Variants in EPS15L1 observed in about 807,000 individuals in gnomAD.
EPS15L1 encodes the protein epidermal growth factor receptor substrate 15-like 1.
Under a neutral mutation model 117.1 loss-of-function variants are expected in EPS15L1, and 43 were observed. The observed-to-expected ratio is 0.37, with a 90% CI of 0.29 to 0.47. EPS15L1 has a LOEUF of 0.47. EPS15L1 is among the 20% of genes least tolerant of loss of function. EPS15L1 has a pLI of 0.99. For synonymous variants in EPS15L1, 459 were observed against 470.5 expected, an observed-to-expected ratio of 0.98 and a Z score of 0.32; for missense variants, 981 against 1,164.0, an observed-to-expected ratio of 0.84 and a Z score of 2.29.
At position 16,428,649 on chromosome 19, in the gene EPS15L1, C is replaced by A; in HGVS notation, c.558+53G>T. 1.2e-5 allele frequency: 16 copies of A among 1,359,542 alleles called. 1 individual carries two copies. In the South Asian group the frequency reaches 1.3e-4, roughly 11 times the overall value. The allele number at this position is 1,359,542 out of a possible 1,614,324, so 84.2% of individuals were successfully genotyped here. A position where few individuals can be genotyped will look rare whatever the true frequency, so the allele number is the denominator to read the frequency against. On this transcript the variant is annotated intron_variant, in intron 8 of 23. Transcript: ENST00000455140. ...AGACAAACGAATCCAGCAACCCCTG[C>A]GCACTGCACATTTCCTTCCTGGGCT...
intron 6 of EPS15L1, 79 bp downstream of exon 6, chr19:16,436,858 C>T (rs1599647545): frequency 8.3e-7 from 1 of 1,199,374 alleles, no homozygotes; most frequent in East Asian, 2.4e-5. Context: ...TAGAACAATT[C>T]CAGAACAATT....
At chr19:16,441,629 CAAAAAAA>C (rs369757727) in intron 3 of EPS15L1, 14 of 87,146 alleles carry the variant, frequency 1.6e-4, no homozygotes, top group Non-Finnish European at 2.4e-4. Flanking sequence ...AACTCTGTCT[CAAAAAAA>C]AAAAAAAAAA....
intron 18 of EPS15L1, 25 bp downstream of exon 18, chr19:16,393,926 C>T (rs778361030): frequency 1.4e-5 from 22 of 1,611,984 alleles, no homozygotes; most frequent in African/African-American, 2.7e-5. Flanking sequence ...GTCTAAAGAC[C>T]GGTCCGGGAA....
At chr19:16,366,661 T>C (rs1568390123) in intron 22 of EPS15L1, among the ~76,000 whole-genome samples, 1 of 152,166 alleles carries the variant, frequency 6.6e-6, no homozygotes, top group Non-Finnish European at 1.5e-5. Context: ...ACGGTTTTTT[T>C]CTCAGTTGTT....
At chr19:16,376,833 C>T (rs999500231) in intron 22 of EPS15L1, among the ~76,000 whole-genome samples, 9 of 152,352 alleles carry the variant, frequency 5.9e-5, no homozygotes, top group African/African-American at 2.2e-4. Flanking sequence ...CCGCACGAAG[C>T]GCCCCCAGCC....
At position 16,361,972 on chromosome 19, in the gene EPS15L1, G is replaced by C. The variant is rs746484519; in HGVS notation, c.2393C>G (p.Pro798Arg). The C allele has an allele frequency of 6.2e-7, 1 of 1,600,556 alleles. No homozygotes were observed. The change falls in exon 23 of 24, where the codon CCT becomes CGT. Residue 798 changes from proline to arginine, a missense_variant. Pro to Arg is a moderately radical substitution (Grantham distance 103, BLOSUM62 -2). Around this residue, in one of 5 missense-constraint regions of EPS15L1, gnomAD observed 819 missense variants for 949.0 expected, o/e 0.86. Transcript: ENST00000455140. The part of the protein sequence containing the change: ...RPKPPSGKST[P>R]VSQLGSADFP... ...GTCTGCGGAACCAAGCTGGCTTACA[G>C]GTGTACTTTTACCTGGAAAGTTTAG...
At chr19:16,403,231 C>A (rs992421451) in intron 15 of EPS15L1, among the ~76,000 whole-genome samples, 6 of 147,900 alleles carry the variant, frequency 4.1e-5, no homozygotes, top group African/African-American at 1.6e-4. Flanking sequence ...GAAGCCAGCG[C>A]CCCCCCCTGG....
intron 9 of EPS15L1, among the ~76,000 whole-genome samples, chr19:16,424,029 G>A (rs775553308): frequency 6.6e-6 from 1 of 152,236 alleles, no homozygotes; most frequent in Non-Finnish European, 1.5e-5. Context: ...AACCCAACAC[G>A]GGGCAGCCTT....
intron 1 of EPS15L1, among the ~76,000 whole-genome samples, chr19:16,445,552 G>A (rs1051860743): frequency 8.5e-5 from 13 of 152,292 alleles, no homozygotes; most frequent in South Asian, 2.1e-4. Context: ...ACACCTGCAC[G>A]CTGCCCTGAT....
At chr19:16,468,491 G>A (rs946804101) in intron 1 of EPS15L1, among the ~76,000 whole-genome samples, 3 of 150,834 alleles carry the variant, frequency 2.0e-5, no homozygotes, top group East Asian at 1.9e-4. Flanking sequence ...GATTATAGGC[G>A]TTTGCCACTA....
intron 22 of EPS15L1, 43 bp downstream of exon 22, chr19:16,377,079 G>A (rs754248569): frequency 1.4e-5 from 22 of 1,557,148 alleles, no homozygotes; most frequent in Non-Finnish European, 1.6e-5. Flanking sequence ...CCCGCCATCC[G>A]GCACCGGTAG....
intron 1 of EPS15L1, among the ~76,000 whole-genome samples, chr19:16,465,060 C>T (rs1330947091): frequency 6.7e-6 from 1 of 148,572 alleles, no homozygotes; most frequent in East Asian, 2.0e-4. Flanking sequence ...GCCTGGGCAA[C>T]AGAGCGAGAC....
chr19:16,363,770 G>A (rs1013809702), intron 22 of EPS15L1, among the ~76,000 whole-genome samples: 2 of 152,228 alleles, frequency 1.3e-5, no homozygotes, highest in Admixed American at 6.5e-5. Context: ...AACCTGGCCC[G>A]TAGCCCCCCC....
In EPS15L1 at chr19:16,404,763, G is replaced by T. The variant is rs2092638746; in HGVS notation, c.1267-14C>A. On this transcript the variant is annotated splice_polypyrimidine_tract_variant and intron_variant, in intron 13 of 23. Transcript: ENST00000455140. The surrounding 1 kb of genome is among the most constrained non-coding windows in gnomAD (Gnocchi z 4.2). ...ATTTTGTAATTCCTAGGGAGGAGTT[G>T]CAGGGGTTTACGTGAGGATGGGAAA... 1.2e-6 allele frequency: 2 copies of T among 1,613,788 alleles called. No homozygotes were observed. Among genetic ancestry groups the T allele is most frequent in the Non-Finnish European group, 8.5e-7 (1 of 1,179,850 alleles).
chr19:16,414,562 A>G (rs1481097569), intron 12 of EPS15L1, among the ~76,000 whole-genome samples: 2 of 151,858 alleles, frequency 1.3e-5, no homozygotes, highest in Admixed American at 6.6e-5. Flanking sequence ...CACCACGCCC[A>G]GCTAATTTTT....
intron 4 of EPS15L1, among the ~76,000 whole-genome samples, chr19:16,440,428 A>G (rs1421558572): frequency 6.6e-6 from 1 of 152,038 alleles, no homozygotes; most frequent in East Asian, 1.9e-4. Context: ...GTGAGACTCC[A>G]TGTCAAAAAA....
At chr19:16,425,553 A>G (rs995722313) in intron 8 of EPS15L1, among the ~76,000 whole-genome samples, 8 of 152,238 alleles carry the variant, frequency 5.3e-5, no homozygotes, top group East Asian at 1.9e-4. Flanking sequence ...AATCCAATCA[A>G]GCCAGACTCC....
chr19:16,375,447 G>T (rs1336378788), intron 22 of EPS15L1, among the ~76,000 whole-genome samples: 3 of 149,656 alleles, frequency 2.0e-5, no homozygotes, highest in Non-Finnish European at 4.4e-5. Context: ...CTGTGTGCAT[G>T]CATTGTGATT....
In EPS15L1 at chr19:16,437,005, AAGAG is replaced by A. The variant is rs1568450480; in HGVS notation, c.310-10_310-7del. ...AGAGGGCTGCTGGTGTCGTGCTGAG[AAGAG>A]AGAGAAACATTCCTTTGTGGCTGGC... is the stretch of plus-strand genomic sequence containing the variant. On this transcript the variant is annotated splice_polypyrimidine_tract_variant and splice_region_variant and intron_variant, in intron 5 of 23. Coordinates refer to ENST00000455140, the MANE Select transcript of EPS15L1 (RefSeq NM_001258374.3). The A allele has an allele frequency of 6.2e-7, 1 of 1,613,572 alleles. No homozygotes were observed. Among genetic ancestry groups the A allele is most frequent in the Non-Finnish European group, 8.5e-7 (1 of 1,179,512 alleles).
Sources: allele counts gnomAD v4.1 joint callset (sites outside exome capture counted in the v4.1 genomes callset), GRCh38; gene constraint gnomAD v4.1.1; regional missense constraint gnomAD v4.1.1; non-coding constraint Gnocchi (gnomAD v3.1); transcripts MANE v1.5; gene names NCBI Gene and HGNC (gene_info 2026-07-23, HGNC 2026-07-21).